The following LRBA variants were observed in gnomAD, a reference collection of about 807,000 sequenced individuals.
LRBA encodes lipopolysaccharide-responsive and beige-like anchor protein.
In LRBA, 176 loss-of-function variants were observed where a neutral mutation model predicts 330.0. The observed-to-expected ratio is 0.53, with a 90% confidence interval of 0.47 to 0.60. LRBA has a LOEUF of 0.60. LRBA is among the 20% of genes least tolerant of loss of function. LRBA has a pLI of 0.00. For missense variants in LRBA, 3,259 were observed against 3,444.8 expected (o/e 0.95, Z 1.35); for synonymous variants, 1,230 against 1,193.0 (o/e 1.03, Z -0.64).
At chr4:150,701,982 G>C (rs1366709386) in intron 36 of LRBA, among the ~76,000 whole-genome samples, 1 of 152,082 alleles carries the variant, frequency 6.6e-6, no homozygotes, top group Non-Finnish European at 1.5e-5. Context: ...TTCTCACTAA[G>C]GGTTTTTAAG....
chr4:151,008,146 T>C (rs1272403750), intron 2 of LRBA, among the ~76,000 whole-genome samples: 1 of 151,794 alleles, frequency 6.6e-6, no homozygotes, highest in Non-Finnish European at 1.5e-5. Context: ...AGTGGTGTGA[T>C]TTCTGCTCAC....
intron 10 of LRBA, 38 bp from the exon 11 acceptor site, chr4:150,908,505 T>C: frequency 6.4e-7 from 1 of 1,558,810 alleles, no homozygotes; most frequent in Non-Finnish European, 8.7e-7. Context: ...GTTCAATGAT[T>C]TTTTTTCCAA....
intron 35 of LRBA, among the ~76,000 whole-genome samples, chr4:150,746,215 TAAG>T (rs559145424): frequency 1.6e-4 from 25 of 152,236 alleles, no homozygotes; most frequent in Non-Finnish European, 3.1e-4. Flanking sequence ...TTTAAATACT[TAAG>T]AAGTCATACT....
chr4:150,909,146 T>A (rs755433622), intron 9 of LRBA, among the ~76,000 whole-genome samples: 9 of 152,216 alleles, frequency 5.9e-5, no homozygotes, highest in Non-Finnish European at 1.3e-4. Flanking sequence ...GCATATAATA[T>A]ACAACTTACC....
rs200192463 is a variant in LRBA at position 150,662,091 on chromosome 4, A to G, written c.5921+21460T>C. 3.3e-5 allele frequency among the ~76,000 whole-genome samples: 5 copies of G among 152,352 alleles called. No individual in the cohort carries two copies. The East Asian group carries it at 7.7e-4, about 23-fold the overall frequency. On this transcript the variant is annotated intron_variant, in intron 37 of 56. Transcript: ENST00000651943. The stretch of plus-strand genomic sequence containing the variant: ...TCTGTAACTACAAGAGCAAGTGTCT[A>G]AAATACACTTTAAAGTCTGAAAGAG...
chr4:150,327,462 T>C (rs189151954), intron 48 of LRBA, among the ~76,000 whole-genome samples: 1 of 152,236 alleles, frequency 6.6e-6, no homozygotes, highest in East Asian at 1.9e-4. Context: ...CAGACCTGTC[T>C]CCTTGACAGT....
intron 13 of LRBA, among the ~76,000 whole-genome samples, chr4:150,901,117 G>A (rs765676783): frequency 2.2e-4 from 34 of 151,942 alleles, no homozygotes; most frequent in African/African-American, 5.6e-4. Context: ...GGCCAACATC[G>A]TGAAACTTCG....
chr4:150,690,769 A>G (rs1784059809), intron 36 of LRBA, among the ~76,000 whole-genome samples: 1 of 152,104 alleles, frequency 6.6e-6, no homozygotes, highest in Non-Finnish European at 1.5e-5. Flanking sequence ...TCTAGAAGTT[A>G]AAACTATAAC....
At chr4:150,906,082 AATT>A (rs1731306363) in intron 12 of LRBA, 92 bp from the exon 13 acceptor site, 1 of 1,094,320 alleles carries the variant, frequency 9.1e-7, no homozygotes, top group African/African-American at 1.6e-5. Context: ...CTGGCCCACA[AATT>A]ATGCTCAAAG....
intron 37 of LRBA, among the ~76,000 whole-genome samples, chr4:150,623,552 TA>T (rs1776525961): frequency 6.6e-6 from 1 of 152,146 alleles, no homozygotes. Context: ...TTTATATTTT[TA>T]AAATAGTGTG....
chr4:150,625,950 C>A (rs918534119), intron 37 of LRBA, among the ~76,000 whole-genome samples: 14 of 151,816 alleles, frequency 9.2e-5, no homozygotes, highest in African/African-American at 3.4e-4. Context: ...CCTCAGCCCC[C>A]CAAAGTGCTG....
intron 35 of LRBA, 72 bp downstream of exon 35, chr4:150,761,711 A>C (rs911118417): frequency 9.8e-6 from 9 of 921,678 alleles, no homozygotes; most frequent in Non-Finnish European, 1.5e-5. Context: ...GAACCCAAAA[A>C]TATCAATGCC....
Position 150,873,343 on chromosome 4 carries a change from C to T in LRBA, c.2166-588G>A, listed in dbSNP as rs1560945708. On this transcript the variant is annotated intron_variant, in intron 17 of 56. Coordinates refer to ENST00000651943, the MANE Select transcript of LRBA (RefSeq NM_001364905.1). ...CAGTGGCTCACGTCTGTAATCCCAG[C>T]AGTTTGGGAGGCCAAGGCAGGCAGA... Among the ~76,000 whole-genome samples, 3 of 152,160 alleles carry T rather than the reference C, an allele frequency of 2.0e-5. No homozygotes were observed. The East Asian group carries it at 5.8e-4, about 29-fold the overall frequency.
intron 40 of LRBA, among the ~76,000 whole-genome samples, chr4:150,495,603 G>C (rs577123748): frequency 6.6e-6 from 1 of 152,134 alleles, no homozygotes; most frequent in South Asian, 2.1e-4. Context: ...TTAGGAAAAG[G>C]TGTCAGTACT....
At chr4:150,420,358 A>G (rs1176956053) in intron 46 of LRBA, among the ~76,000 whole-genome samples, 2 of 139,458 alleles carry the variant, frequency 1.4e-5, no homozygotes, top group Admixed American at 1.5e-4. Context: ...TACACATTAT[A>G]GTATAAAGTA....
intron 48 of LRBA, among the ~76,000 whole-genome samples, chr4:150,335,609 A>G (rs1734622163): frequency 6.6e-6 from 1 of 151,612 alleles, no homozygotes; most frequent in South Asian, 2.1e-4. Flanking sequence ...CTAAGCTATC[A>G]GTAAGTGTGT....
At chr4:150,866,272 A>T (rs1325834526) in intron 22 of LRBA, among the ~76,000 whole-genome samples, 1 of 152,212 alleles carries the variant, frequency 6.6e-6, no homozygotes, top group Non-Finnish European at 1.5e-5. Flanking sequence ...TTGAAATGTA[A>T]ATTTTCCTCA....
chr4:150,369,545 C>CT (rs535840596), intron 47 of LRBA, among the ~76,000 whole-genome samples: 65 of 145,546 alleles, frequency 4.5e-4, no homozygotes, highest in Non-Finnish European at 6.5e-4. Flanking sequence ...AAAAAATATA[C>CT]TTTTTTTTTT....
intron 40 of LRBA, among the ~76,000 whole-genome samples, chr4:150,563,414 A>C (rs1031269766): frequency 5.3e-5 from 8 of 152,220 alleles, no homozygotes; most frequent in African/African-American, 1.9e-4. Context: ...AAATAATAAA[A>C]GCTATTCATG....
Sources: gnomAD v4.1 joint callset for allele counts (sites outside exome capture counted in the v4.1 genomes callset) on GRCh38, gnomAD v4.1.1 for gene constraint, MANE v1.5 for transcripts, NCBI Gene and HGNC (gene_info 2026-07-23, HGNC 2026-07-21) for gene names.